GALNTL6: variants seen among roughly 807,000 people sequenced by gnomAD.
The protein encoded by GALNTL6 is polypeptide N-acetylgalactosaminyltransferase-like 6.
GALNTL6 carries 46 observed loss-of-function variants against 73.7 expected under a neutral mutation model. The ratio of observed to expected loss-of-function variants is 0.62; its 90% CI spans 0.49 to 0.80. The LOEUF is 0.80. GALNTL6 is among the 30% of genes least tolerant of loss of function. GALNTL6 has a pLI of 0.00. For missense variants in GALNTL6, 604 were observed against 755.0 expected, an observed-to-expected ratio of 0.80 and a Z score of 2.34; for synonymous variants, 259 against 263.7, an observed-to-expected ratio of 0.98 and a Z score of 0.17.
intron 2 of GALNTL6, among the ~76,000 whole-genome samples, chr4:172,151,830 GCTGTGACA>G (rs1734094906): frequency 6.6e-6 from 1 of 151,564 alleles, no homozygotes; most frequent in South Asian, 2.1e-4. Flanking sequence ...ATGGGGGACG[GCTGTGACA>G]CTACCTCTTA....
At chr4:172,997,364 T>G (rs1241455184) in intron 10 of GALNTL6, among the ~76,000 whole-genome samples, 1 of 152,160 alleles carries the variant, frequency 6.6e-6, no homozygotes, top group Non-Finnish European at 1.5e-5. Context: ...CCACCTACTT[T>G]CTCGGAGCCT....
intron 2 of GALNTL6, among the ~76,000 whole-genome samples, chr4:172,067,319 A>G (rs1343707514): frequency 1.3e-5 from 2 of 151,854 alleles, no homozygotes; most frequent in African/African-American, 4.8e-5. Flanking sequence ...TATTCTCAGC[A>G]TCTCCCCTCT....
At chr4:172,310,629 T>C (rs1431778835) in intron 3 of GALNTL6, among the ~76,000 whole-genome samples, 4 of 152,136 alleles carry the variant, frequency 2.6e-5, no homozygotes, top group Non-Finnish European at 4.4e-5. Flanking sequence ...ATAAAAATTA[T>C]ATTTATCGCA....
At chr4:172,113,087 T>A (rs1732898759) in intron 2 of GALNTL6, among the ~76,000 whole-genome samples, 1 of 151,966 alleles carries the variant, frequency 6.6e-6, no homozygotes, top group Admixed American at 6.6e-5. Context: ...GTAAATTTCT[T>A]GTTAAGGGTC....
chr4:173,004,090 G>A (rs184823637), intron 10 of GALNTL6, among the ~76,000 whole-genome samples: 65 of 152,182 alleles, frequency 4.3e-4, no homozygotes, highest in African/African-American at 1.2e-3. Context: ...AGGGAAGATC[G>A]CTTGAGCCCA....
chr4:172,020,941 A>G (rs1741378480), intron 2 of GALNTL6, among the ~76,000 whole-genome samples: 1 of 152,126 alleles, frequency 6.6e-6, no homozygotes, highest in Admixed American at 6.6e-5. Context: ...ACACATTGAA[A>G]AAGATCATTC....
At chr4:172,895,375 G>T (rs1746265738) in intron 8 of GALNTL6, among the ~76,000 whole-genome samples, 1 of 143,876 alleles carries the variant, frequency 7.0e-6, no homozygotes, top group Non-Finnish European at 1.5e-5. Context: ...TTCATTTTTA[G>T]TGTTTTTGTT....
intron 2 of GALNTL6, among the ~76,000 whole-genome samples, chr4:172,020,908 AT>A (rs1255521568): frequency 6.6e-6 from 1 of 152,104 alleles, no homozygotes; most frequent in Non-Finnish European, 1.5e-5. Context: ...CCTCAACAAA[AT>A]ACTAGCAACC....
At chr4:172,151,372 G>A (rs750761336) in intron 2 of GALNTL6, among the ~76,000 whole-genome samples, 9 of 152,064 alleles carry the variant, frequency 5.9e-5, no homozygotes, top group Non-Finnish European at 7.4e-5. Context: ...AGGAATACTC[G>A]TATCCTGATG....
intron 2 of GALNTL6, among the ~76,000 whole-genome samples, chr4:172,053,815 A>AT (rs1730945479): frequency 6.6e-6 from 1 of 152,056 alleles, no homozygotes; most frequent in African/African-American, 2.4e-5. Flanking sequence ...TTTTACATGA[A>AT]TGGGTCCCCT....
intron 2 of GALNTL6, among the ~76,000 whole-genome samples, chr4:171,864,843 A>C (rs1735929625): frequency 6.6e-6 from 1 of 152,198 alleles, no homozygotes; most frequent in African/African-American, 2.4e-5. Flanking sequence ...ATTATGCTGA[A>C]AAAAATATTT....
At chr4:172,255,531 A>G (rs569668351) in intron 3 of GALNTL6, among the ~76,000 whole-genome samples, 33 of 151,614 alleles carry the variant, frequency 2.2e-4, no homozygotes, top group African/African-American at 8.0e-4. Flanking sequence ...GCTTTTAATA[A>G]GTATTATCTC....
At chr4:171,975,826 AT>A (rs1269987474) in intron 2 of GALNTL6, among the ~76,000 whole-genome samples, 2 of 152,178 alleles carry the variant, frequency 1.3e-5, no homozygotes, top group Non-Finnish European at 2.9e-5. Flanking sequence ...TTTTTGAAAA[AT>A]AGTTCAAATT....
intron 2 of GALNTL6, among the ~76,000 whole-genome samples, chr4:172,081,052 A>G (rs1354147005): frequency 6.6e-6 from 1 of 152,196 alleles, no homozygotes; most frequent in Non-Finnish European, 1.5e-5. Flanking sequence ...CACCTGGAGT[A>G]CATTTTGAAT....
At chr4:172,488,834 T>TG (rs1561107817) in intron 5 of GALNTL6, among the ~76,000 whole-genome samples, 2 of 97,232 alleles carry the variant, frequency 2.1e-5, no homozygotes, top group East Asian at 7.4e-4. Flanking sequence ...AAGGCAGTCC[T>TG]GGGGTGGGGG....
At chr4:172,816,284 A>G (rs370323913) in intron 7 of GALNTL6, among the ~76,000 whole-genome samples, 1 of 152,258 alleles carries the variant, frequency 6.6e-6, no homozygotes, top group Non-Finnish European at 1.5e-5. Flanking sequence ...TAGCAAGTTT[A>G]TCAAATGTCT....
intron 9 of GALNTL6, among the ~76,000 whole-genome samples, chr4:172,941,835 G>A (rs529889859): frequency 7.9e-4 from 121 of 152,286 alleles, no homozygotes; most frequent in African/African-American, 1.2e-3. Flanking sequence ...CCAATCCCAC[G>A]TCTAAGCCAT....
At chr4:171,926,702 A>G (rs1737994629) in intron 2 of GALNTL6, among the ~76,000 whole-genome samples, 1 of 152,088 alleles carries the variant, frequency 6.6e-6, no homozygotes, top group Non-Finnish European at 1.5e-5. Flanking sequence ...TTACTTTGCG[A>G]CACAGTACTC....
At chr4:171,892,857 C>T (rs1736801549) in intron 2 of GALNTL6, among the ~76,000 whole-genome samples, 1 of 152,198 alleles carries the variant, frequency 6.6e-6, no homozygotes, top group African/African-American at 2.4e-5. Flanking sequence ...CCCCCATGCT[C>T]AGCCACAGAG....
Sources: gnomAD v4.1 joint callset for allele counts (sites outside exome capture counted in the v4.1 genomes callset) on GRCh38, gnomAD v4.1.1 for gene constraint, MANE v1.5 for transcripts, NCBI Gene and HGNC (gene_info 2026-07-23, HGNC 2026-07-21) for gene names.